The following CPQ variants were observed in gnomAD, a reference collection of about 807,000 sequenced individuals.
CPQ encodes the protein carboxypeptidase Q.
CPQ carries 37 observed loss-of-function variants against 45.7 expected under a neutral mutation model. The observed-to-expected ratio is 0.81, with a 90% confidence interval of 0.62 to 1.07. CPQ has a LOEUF of 1.07. Among genes scored for constraint, CPQ ranks in the 50% least tolerant of loss-of-function variants. CPQ has a pLI of 0.00. For missense variants in CPQ, 537 were observed against 572.9 expected (o/e 0.94, Z 0.64); for synonymous variants, 186 against 205.8 (o/e 0.90, Z 0.82).
intron 7 of CPQ, among the ~76,000 whole-genome samples, chr8:97,080,331 G>A (rs1810923339): frequency 6.6e-6 from 1 of 151,276 alleles, no homozygotes; most frequent in African/African-American, 2.4e-5. Context: ...AGTCAAATAA[G>A]TCTTAGAGTG....
At chr8:97,138,039 C>A (rs1238337331) in intron 7 of CPQ, among the ~76,000 whole-genome samples, 1 of 152,204 alleles carries the variant, frequency 6.6e-6, no homozygotes, top group Non-Finnish European at 1.5e-5. Context: ...CGTAGTTGTT[C>A]ACACAATTTC....
chr8:96,778,280 A>ATTATT (rs150631482), intron 1 of CPQ, among the ~76,000 whole-genome samples: 13,638 of 152,046 alleles, frequency 0.09, 814 homozygotes, highest in African/African-American at 0.17. Context: ...GATTAGTAAT[A>ATTATT]TTCTACTATT....
At chr8:97,037,479 G>T (rs80164265) in intron 6 of CPQ, among the ~76,000 whole-genome samples, 3,139 of 152,216 alleles carry the variant, frequency 0.021, 101 homozygotes, top group African/African-American at 0.067. Context: ...AATCAGAGGT[G>T]ATTGTCTCAA....
At chr8:97,063,777 A>G (rs1281678738) in intron 6 of CPQ, among the ~76,000 whole-genome samples, 1 of 151,864 alleles carries the variant, frequency 6.6e-6, no homozygotes, top group Non-Finnish European at 1.5e-5. Flanking sequence ...AGATATTTGT[A>G]GGTGTTCAGC....
At chr8:96,684,621 G>GCCCTGT (rs1809201518) in intron 1 of CPQ, among the ~76,000 whole-genome samples, 1 of 152,158 alleles carries the variant, frequency 6.6e-6, no homozygotes, top group Non-Finnish European at 1.5e-5. Flanking sequence ...GGATAGGGTA[G>GCCCTGT]CCCTGTCTTC....
chr8:96,899,493 G>T (rs1204062811), intron 4 of CPQ, among the ~76,000 whole-genome samples: 2 of 152,150 alleles, frequency 1.3e-5, no homozygotes, highest in Non-Finnish European at 1.5e-5. Context: ...TTTATAGGAA[G>T]CATGGTGCTG....
chr8:96,850,083 TC>T (rs1431218224), intron 3 of CPQ, among the ~76,000 whole-genome samples: 1 of 152,134 alleles, frequency 6.6e-6, no homozygotes, highest in African/African-American at 2.4e-5. Flanking sequence ...TCTCCGTAGG[TC>T]CCCCCTAAAT....
Position 96,905,268 on chromosome 8 carries a change from A to G in CPQ, c.849+25263A>G, listed in dbSNP as rs186199975. ...AATAACAAGGGAGAAATCCACCCCC[A>G]TGATCCAATCACCTCCCACCAGGCC... On this transcript the variant is annotated intron_variant, in intron 4 of 7. Transcript: ENST00000220763. Among the ~76,000 whole-genome samples the G allele has an allele frequency of 1.6e-3, 246 of 152,242 alleles. 1 individual carries two copies. The highest frequency in any genetic ancestry group is 5.6e-3 in the African/African-American group (234 of 41,552).
intron 4 of CPQ, among the ~76,000 whole-genome samples, chr8:96,959,143 T>G (rs541428069): frequency 1.3e-5 from 2 of 152,256 alleles, no homozygotes; most frequent in South Asian, 4.1e-4. Flanking sequence ...AGGCTTTGTC[T>G]CCAGTGGGGA....
chr8:96,660,965 T>C (rs1450364611), intron 1 of CPQ, among the ~76,000 whole-genome samples: 1 of 152,234 alleles, frequency 6.6e-6, no homozygotes, highest in Admixed American at 6.5e-5. Flanking sequence ...ATGATAGTCA[T>C]TTGCCTTCTT....
chr8:96,909,128 G>A (rs1417096331), intron 4 of CPQ, among the ~76,000 whole-genome samples: 1 of 152,124 alleles, frequency 6.6e-6, no homozygotes, highest in Non-Finnish European at 1.5e-5. Flanking sequence ...CAATGAAGGG[G>A]CAGCTGTGAT....
intron 3 of CPQ, among the ~76,000 whole-genome samples, chr8:96,859,277 A>C (rs1214695258): frequency 1.3e-5 from 2 of 152,210 alleles, no homozygotes; most frequent in African/African-American, 4.8e-5. Flanking sequence ...AAGAGACTGC[A>C]GAATATCTTG....
At chr8:96,799,884 C>A (rs1427532870) in intron 2 of CPQ, among the ~76,000 whole-genome samples, 1 of 152,180 alleles carries the variant, frequency 6.6e-6, no homozygotes, top group Non-Finnish European at 1.5e-5. Context: ...CATGGTAGAT[C>A]TTTTTGCCCA....
At chr8:97,124,225 CAAAAAAAAAAAA>C (rs34933920) in intron 7 of CPQ, among the ~76,000 whole-genome samples, 22 of 42,564 alleles carry the variant, frequency 5.2e-4, no homozygotes, top group Non-Finnish European at 6.0e-4. Context: ...GACTCCGTCT[CAAAAAAAAAAAA>C]AAAAAAAAAA....
chr8:97,138,168 C>T (rs1812096255), intron 7 of CPQ, among the ~76,000 whole-genome samples: 1 of 152,188 alleles, frequency 6.6e-6, no homozygotes, highest in Non-Finnish European at 1.5e-5. Context: ...TATTTTCAGC[C>T]TGACATTTAG....
At chr8:97,121,112 A>T (rs1394580011) in intron 7 of CPQ, among the ~76,000 whole-genome samples, 1 of 139,714 alleles carries the variant, frequency 7.2e-6, no homozygotes, top group Non-Finnish European at 1.7e-5. Context: ...TTTTGCTACT[A>T]AATAGTTACA....
At chr8:97,138,105 C>G (rs540057132) in intron 7 of CPQ, among the ~76,000 whole-genome samples, 1 of 152,300 alleles carries the variant, frequency 6.6e-6, no homozygotes, top group Admixed American at 6.5e-5. Flanking sequence ...ACCCCACCTT[C>G]TCATTCATCC....
chr8:97,022,996 CAGTATATA>C (rs1563557047), intron 5 of CPQ, among the ~76,000 whole-genome samples: 4 of 143,362 alleles, frequency 2.8e-5, no homozygotes, highest in African/African-American at 1.0e-4. Context: ...TATATATATA[CAGTATATA>C]TATACTATAT....
chr8:96,678,140 C>T (rs1219617871), intron 1 of CPQ, among the ~76,000 whole-genome samples: 3 of 151,874 alleles, frequency 2.0e-5, no homozygotes, highest in Non-Finnish European at 2.9e-5. Flanking sequence ...GCTTATCTTG[C>T]GTTAGCTGTG....
Sources: gnomAD v4.1 joint callset for allele counts (sites outside exome capture counted in the v4.1 genomes callset) on GRCh38, gnomAD v4.1.1 for gene constraint, MANE v1.5 for transcripts, NCBI Gene and HGNC (gene_info 2026-07-23, HGNC 2026-07-21) for gene names.